The following PALLD variants were observed in gnomAD, a reference collection of about 807,000 sequenced individuals.
PALLD encodes the protein palladin.
A neutral mutation model predicts 123.5 loss-of-function variants in PALLD; 61 were observed. The observed-to-expected ratio is 0.49, with a 90% CI of 0.40 to 0.61. PALLD has a LOEUF of 0.61. Ranked by LOEUF, PALLD falls within the 20% of genes least tolerant of loss-of-function variation. PALLD has a pLI of 0.00. For missense variants in PALLD, 1,273 were observed against 1,377.0 expected (o/e 0.92, Z 1.20); for synonymous variants, 465 against 496.4 (o/e 0.94, Z 0.84).
At chr4:168,658,012 T>G (rs1778753697) in intron 2 of PALLD, among the ~76,000 whole-genome samples, 2 of 152,184 alleles carry the variant, frequency 1.3e-5, no homozygotes, top group African/African-American at 4.8e-5. Flanking sequence ...CTATTAAACC[T>G]TTGCTTCTAA....
chr4:168,552,100 T>C (rs563472038), intron 2 of PALLD, among the ~76,000 whole-genome samples: 2 of 152,270 alleles, frequency 1.3e-5, no homozygotes, highest in East Asian at 3.9e-4. Context: ...ATTGGCCCAA[T>C]TTAAAGATGT....
At chr4:168,509,183 T>C (rs919714103) in intron 1 of PALLD, among the ~76,000 whole-genome samples, 2 of 152,190 alleles carry the variant, frequency 1.3e-5, no homozygotes, top group Non-Finnish European at 2.9e-5. Flanking sequence ...ACAAATGATT[T>C]TTTTTCTAGT....
intron 8 of PALLD, among the ~76,000 whole-genome samples, chr4:168,707,002 TATTA>T (rs1221392313): frequency 6.6e-6 from 1 of 152,230 alleles, no homozygotes; most frequent in Admixed American, 6.5e-5. Flanking sequence ...CTTTTGCACT[TATTA>T]ATTTGATGTA....
rs539762995 is a variant in PALLD at position 168,927,988 on chromosome 4, C to T, written c.*1808C>T. The T allele has an allele frequency of 7.0e-4, 137 of 195,290 alleles. 3 individuals carry two copies. In the Admixed American group the frequency reaches 8.3e-3, roughly 12 times the overall value. The allele number at this position is 195,290 out of a possible 1,614,324, so 12.1% of individuals were successfully genotyped here. ...AGTATTTTTTAAAATAATTTTATAT[C>T]TGTGTACCACCCCATATATTTCATA... On this transcript the variant is annotated 3_prime_UTR_variant, in exon 22 of 22. Coordinates refer to ENST00000505667, the MANE Select transcript of PALLD (RefSeq NM_001166108.2).
chr4:168,547,263 C>G (rs1160549374), intron 2 of PALLD, among the ~76,000 whole-genome samples: 1 of 152,106 alleles, frequency 6.6e-6, no homozygotes, highest in African/African-American at 2.4e-5. Flanking sequence ...CTAAGTTTCC[C>G]TGTTTGTAAA....
At chr4:168,556,384 G>C (rs920441199) in intron 2 of PALLD, among the ~76,000 whole-genome samples, 2 of 152,094 alleles carry the variant, frequency 1.3e-5, no homozygotes, top group African/African-American at 4.8e-5. Context: ...TGTAAGCCAC[G>C]GCGCCCGGCC....
intron 2 of PALLD, among the ~76,000 whole-genome samples, chr4:168,585,101 G>T (rs1770678967): frequency 6.6e-6 from 1 of 152,194 alleles, no homozygotes; most frequent in African/African-American, 2.4e-5. Context: ...TTTGGTAATA[G>T]ATTCCAAATG....
chr4:168,926,365 G>T lies in PALLD; in HGVS notation c.*185G>T, dbSNP rs1032243256. On this transcript the variant is annotated 3_prime_UTR_variant, in exon 22 of 22. Coordinates refer to ENST00000505667, the MANE Select transcript of PALLD (RefSeq NM_001166108.2). ...TCACCTGACACTGAATACTGCCTTG[G>T]TAGAAAGTGAGGACCTGTAATCCAG... 8 of 1,536,952 alleles carry T rather than the reference G, an allele frequency of 5.2e-6. No homozygotes were observed. The African/African-American group carries it at 5.5e-5, about 11-fold the overall frequency.
intron 10 of PALLD, among the ~76,000 whole-genome samples, chr4:168,750,236 T>C (rs4610301): frequency 0.47 from 72,120 of 152,022 alleles, 17,673 homozygotes; most frequent in African/African-American, 0.59. Flanking sequence ...CGTGAACCAA[T>C]GCGCCTGGCC....
chr4:168,816,197 C>A (rs544286149), intron 10 of PALLD, among the ~76,000 whole-genome samples: 4 of 152,056 alleles, frequency 2.6e-5, no homozygotes, highest in African/African-American at 9.7e-5. Context: ...TGCAGAGAGC[C>A]GTGCTTTCCT....
intron 18 of PALLD, among the ~76,000 whole-genome samples, chr4:168,922,100 T>C (rs867899542): frequency 0.047 from 4,533 of 96,282 alleles, 136 homozygotes; most frequent in African/African-American, 0.12. Context: ...TATATATATA[T>C]ATACACACAC....
intron 2 of PALLD, among the ~76,000 whole-genome samples, chr4:168,589,003 C>T (rs149963478): frequency 6.6e-6 from 1 of 152,242 alleles, no homozygotes; most frequent in East Asian, 1.9e-4. Flanking sequence ...TCAAAATGAA[C>T]TTAAGGCCAG....
At chr4:168,828,856 T>C (rs891052960) in intron 10 of PALLD, 1 of 151,960 alleles carries the variant, frequency 6.6e-6, no homozygotes, top group Non-Finnish European at 1.5e-5. Flanking sequence ...CTGGAGGGAG[T>C]TCCTTGAGTG....
chr4:168,742,427 AG>A (rs1332848068), intron 10 of PALLD, among the ~76,000 whole-genome samples: 2 of 152,194 alleles, frequency 1.3e-5, no homozygotes, highest in Non-Finnish European at 2.9e-5. Context: ...CACTGAGAGG[AG>A]AAGACTGTGT....
intron 2 of PALLD, among the ~76,000 whole-genome samples, chr4:168,584,550 GA>G (rs1362345636): frequency 6.6e-6 from 1 of 152,166 alleles, no homozygotes; most frequent in Non-Finnish European, 1.5e-5. Context: ...TTGCCTTCAT[GA>G]AAAGTTGGAT....
chr4:168,622,958 C>T (rs1454936660), intron 2 of PALLD, among the ~76,000 whole-genome samples: 2 of 152,194 alleles, frequency 1.3e-5, no homozygotes, highest in East Asian at 1.9e-4. Flanking sequence ...TAAGTAAACC[C>T]TCAGTGCTTC....
intron 10 of PALLD, among the ~76,000 whole-genome samples, chr4:168,857,355 G>T (rs2151010214): frequency 6.6e-6 from 1 of 152,294 alleles, no homozygotes; most frequent in South Asian, 2.1e-4. Context: ...CTAGCTTCAT[G>T]AACCCCATTG....
In PALLD at chr4:168,878,024, C is replaced by A. The variant is rs1025237623; in HGVS notation, c.1965-12898C>A. On this transcript the variant is annotated intron_variant, in intron 10 of 21. Transcript: ENST00000505667. ...GGGCCACGGCACGCCGGCCTCCAGC[C>A]CCAGCTCGTCCAGCCTCCCGTCGCC... 44 of 1,492,968 alleles carry A rather than the reference C, an allele frequency of 2.9e-5. No individual in the cohort carries two copies. The Admixed American group carries it at 9.4e-4, about 32-fold the overall frequency. 92.5% of individuals were successfully genotyped at this position (1,492,968 alleles called of 1,614,324 possible). A position where few individuals can be genotyped will look rare whatever the true frequency, so the allele number is the denominator to read the frequency against.
chr4:168,798,575 A>T (rs1012377688), intron 10 of PALLD, among the ~76,000 whole-genome samples: 1 of 152,202 alleles, frequency 6.6e-6, no homozygotes, highest in Admixed American at 6.5e-5. Context: ...ATTGGAAAGT[A>T]AGTGAAAAAC....
Sources: allele counts gnomAD v4.1 joint callset (sites outside exome capture counted in the v4.1 genomes callset), GRCh38; gene constraint gnomAD v4.1.1; transcripts MANE v1.5; gene names NCBI Gene and HGNC (gene_info 2026-07-23, HGNC 2026-07-21).